Variants in ACSM2B observed in about 807,000 individuals in gnomAD.
ACSM2B encodes acyl-coenzyme A synthetase ACSM2B, mitochondrial.
In ACSM2B, 58 loss-of-function variants were observed where a neutral mutation model predicts 78.6. That is an observed-to-expected ratio of 0.74 (90% CI 0.60 to 0.92). ACSM2B has a LOEUF of 0.92. ACSM2B is among the 40% of genes least tolerant of loss of function. The pLI is 0.00. For missense variants in ACSM2B, 688 were observed against 711.2 expected, an observed-to-expected ratio of 0.97 and a Z score of 0.37; for synonymous variants, 257 against 256.8, an observed-to-expected ratio of 1.00 and a Z score of -0.01.
Position 20,552,332 on chromosome 16 carries a change from T to C in ACSM2B, c.741-35A>G, listed in dbSNP as rs746635815. On this transcript the variant is annotated intron_variant, in intron 5 of 13. Coordinates refer to ENST00000329697, the MANE Select transcript of ACSM2B (RefSeq NM_001105069.2). ...CAGACAAAACACATGTACATATAGG[T>C]GGGTGCATGCTTAGGATGCGTGGGA... The C allele has an allele frequency of 3.8e-6, 6 of 1,592,122 alleles. No homozygotes were observed. The African/African-American group carries it at 6.7e-5, about 18-fold the overall frequency.
At position 20,552,129 on chromosome 16, in the gene ACSM2B, T is replaced by C. The variant is rs1208912550; in HGVS notation, c.894+15A>G. 6 of 1,584,200 alleles carry C rather than the reference T, an allele frequency of 3.8e-6. No individual in the cohort carries two copies. The highest frequency in any genetic ancestry group is 8.6e-7 in the Non-Finnish European group (1 of 1,168,356). The stretch of plus-strand genomic sequence containing the variant: ...CTCACTCTGAATAACTGCTGCAAAC[T>C]GGATCCTCTCTTACCTTTAGAATAA... On this transcript the variant is annotated intron_variant, in intron 6 of 13. Coordinates refer to ENST00000329697, the MANE Select transcript of ACSM2B (RefSeq NM_001105069.2).
chr16:20,554,178 C>G, intron 4 of ACSM2B: 1 of 634,156 alleles, frequency 1.6e-6, no homozygotes, highest in Non-Finnish European at 2.9e-6. Context: ...CACTTTATAT[C>G]TGCAAAAAAG....
At chr16:20,562,471 T>A (rs915117125) in intron 2 of ACSM2B, among the ~76,000 whole-genome samples, 1 of 152,218 alleles carries the variant, frequency 6.6e-6, no homozygotes, top group Non-Finnish European at 1.5e-5. Flanking sequence ...ACAGCCTTGC[T>A]AATAGAGTTG....
chr16:20,565,222 T>C (rs201952429), intron 1 of ACSM2B, among the ~76,000 whole-genome samples: 31 of 152,186 alleles, frequency 2.0e-4, no homozygotes, highest in African/African-American at 6.0e-4. Flanking sequence ...CATTCATTTT[T>C]AAGTGACTAC....
At position 20,548,135 on chromosome 16, in the gene ACSM2B, A is replaced by G. The variant is rs370702793; in HGVS notation, c.1025T>C (p.Leu342Pro). ...CCTCCAGTTCTCCAGAGTTTCTGGA[A>G]GAAGGGACTCCCCTCCAGCGAGGCA... Reference protein sequence around the residue: ...QNCLAGGESLLPETLENWRAQ... With the variant: ...QNCLAGGESLPPETLENWRAQ... Residue 342 changes from leucine (L) to proline (P), a missense_variant, in exon 8 of 14, where the codon CTT (leucine) becomes CCT (proline). Coordinates refer to ENST00000329697, the MANE Select transcript of ACSM2B (RefSeq NM_001105069.2). The G allele has an allele frequency of 3.7e-6, 6 of 1,613,934 alleles. No individual in the cohort carries two copies. The African/African-American group carries it at 8.0e-5, about 22-fold the overall frequency.
intron 5 of ACSM2B, 55 bp from the exon 6 acceptor site, chr16:20,552,352 G>A (rs1320511946): frequency 3.5e-5 from 55 of 1,564,392 alleles, no homozygotes; most frequent in East Asian, 4.5e-5. Flanking sequence ...CTTAGGATGC[G>A]TGGGACACTA....
intron 2 of ACSM2B, 128 bp from the exon 3 acceptor site, chr16:20,559,575 T>C (rs2015585425): frequency 7.5e-7 from 1 of 1,334,026 alleles, no homozygotes; most frequent in Non-Finnish European, 1.0e-6. Flanking sequence ...CATACAATCA[T>C]AAAAAGTATT....
chr16:20,556,505 C>T (rs144711399), intron 3 of ACSM2B, among the ~76,000 whole-genome samples: 32 of 152,112 alleles, frequency 2.1e-4, no homozygotes, highest in Non-Finnish European at 3.5e-4. Flanking sequence ...AGGAGGCTGA[C>T]GCAGGAGGAT....
intron 1 of ACSM2B, among the ~76,000 whole-genome samples, chr16:20,567,410 A>AATATATAATATAGTATATTAATATATAAT (rs2015940682): frequency 8.4e-6 from 1 of 119,082 alleles, no homozygotes; most frequent in Admixed American, 1.1e-4. Context: ...TATATTATAT[A>AATATATAATATAGTATATTAATATATAAT]ATATATAATA....
intron 2 of ACSM2B, among the ~76,000 whole-genome samples, chr16:20,561,930 T>C (rs1037649632): frequency 7.9e-6 from 1 of 126,554 alleles, no homozygotes; most frequent in Non-Finnish European, 1.7e-5. Context: ...GTTCTCATTG[T>C]TCAATTCCCA....
intron 13 of ACSM2B, among the ~76,000 whole-genome samples, chr16:20,538,977 C>T (rs1049808437): frequency 6.6e-6 from 1 of 152,096 alleles, no homozygotes; most frequent in Non-Finnish European, 1.5e-5. Context: ...CCAAAGACAG[C>T]TGTCTTGTCC....
chr16:20,540,923 G>T, intron 12 of ACSM2B, 150 bp from the exon 13 acceptor site: 1 of 1,252,694 alleles, frequency 8.0e-7, no homozygotes, highest in East Asian at 2.5e-5. Context: ...GGAGAAACTG[G>T]GGACAAGAAT....
Position 20,553,655 on chromosome 16 carries a change from T to G in ACSM2B, c.740+122A>C, listed in dbSNP as rs185605949. 2.7e-6 allele frequency: 4 copies of G among 1,457,866 alleles called. No individual in the cohort carries two copies. In the East Asian group the frequency reaches 6.9e-5, roughly 25 times the overall value. 90.3% of individuals were successfully genotyped at this position (1,457,866 alleles called of 1,614,324 possible). ...AAGCCATGTCCTCTTTAGCTTTCCT[T>G]CTGAATTTTCTTTCTCAGAACCACA... On this transcript the variant is annotated intron_variant, in intron 5 of 13. Coordinates refer to ENST00000329697, the MANE Select transcript of ACSM2B (RefSeq NM_001105069.2).
chr16:20,562,290 A>G (rs937805235), intron 2 of ACSM2B, among the ~76,000 whole-genome samples: 1 of 152,162 alleles, frequency 6.6e-6, no homozygotes, highest in East Asian at 1.9e-4. Flanking sequence ...GACCCTTCGC[A>G]TATCCCCTGA....
At chr16:20,571,514 C>T (rs1186624361) in intron 1 of ACSM2B, among the ~76,000 whole-genome samples, 1 of 150,728 alleles carries the variant, frequency 6.6e-6, no homozygotes, top group African/African-American at 2.4e-5. Flanking sequence ...GGAGAAAGTT[C>T]CATGCACTGA....
At chr16:20,539,549 TC>T (rs1331470449) in intron 13 of ACSM2B, among the ~76,000 whole-genome samples, 1 of 150,996 alleles carries the variant, frequency 6.6e-6, no homozygotes, top group Non-Finnish European at 1.5e-5. Context: ...TAAGAACACT[TC>T]CCTTTTCCTG....
rs1283010043 is a variant in ACSM2B, at chr16:20,559,252, C to G, written c.373G>C (p.Gly125Arg). ...AGTTACCAACCTGCTCGAATGCAGC[C>G]CAGGATCACCAGCCACCACTCAGGC... is the stretch of plus-strand genomic sequence containing the variant. Reference protein sequence around the residue: ...RVPEWWLVILGCIRAGLIFMP... With the variant: ...RVPEWWLVILRCIRAGLIFMP... The change falls in exon 3 of 14, where the codon GGC becomes CGC. Residue 125 changes from glycine (G) to arginine (R), a missense_variant. Coordinates refer to ENST00000329697, the MANE Select transcript of ACSM2B (RefSeq NM_001105069.2). 6.2e-7 allele frequency: 1 copy of G among 1,612,656 alleles called. No individual in the cohort carries two copies. The highest frequency in any genetic ancestry group is 8.5e-7 in the Non-Finnish European group (1 of 1,179,282).
At chr16:20,553,420 A>C (rs994586907) in intron 5 of ACSM2B, among the ~76,000 whole-genome samples, 2 of 152,218 alleles carry the variant, frequency 1.3e-5, no homozygotes, top group African/African-American at 2.4e-5. Flanking sequence ...TGCTGCCGAC[A>C]AAAACTGCCC....
At chr16:20,557,271 A>T (rs141497348) in intron 3 of ACSM2B, among the ~76,000 whole-genome samples, 1 of 152,200 alleles carries the variant, frequency 6.6e-6, no homozygotes, top group African/African-American at 2.4e-5. Context: ...TGAACTTGTC[A>T]TATTTTCCTA....
Sources: gnomAD v4.1 joint callset for allele counts (sites outside exome capture counted in the v4.1 genomes callset) on GRCh38, gnomAD v4.1.1 for gene constraint, MANE v1.5 for transcripts, NCBI Gene and HGNC (gene_info 2026-07-23, HGNC 2026-07-21) for gene names.